KCP: variants seen among roughly 807,000 people sequenced by gnomAD.
KCP encodes the protein kielin/chordin-like protein.
A neutral mutation model predicts 212.7 loss-of-function variants in KCP; 194 were observed. That is an observed-to-expected ratio of 0.91 (90% CI 0.81 to 1.03). The LOEUF (loss-of-function observed/expected upper bound fraction) is 1.03, where lower values mean the gene tolerates loss of function less well. Ranked by LOEUF, KCP falls within the 50% of genes least tolerant of loss-of-function variation. The pLI, the probability that KCP is intolerant of heterozygous loss-of-function variation, is 0.00. For synonymous variants in KCP, 833 were observed against 865.3 expected (o/e 0.96, Z 0.65); for missense variants, 2,080 against 2,162.5 (o/e 0.96, Z 0.76).
chr7:128,882,845 G>T (rs1473877801), intron 29 of KCP, among the ~76,000 whole-genome samples: 1 of 152,200 alleles, frequency 6.6e-6, no homozygotes, highest in East Asian at 1.9e-4. Context: ...GCTGAGGCGG[G>T]TGGATCACCT....
rs1793712851 is a variant in KCP at position 128,887,265 on chromosome 7, C to T, written c.2548G>A (p.Glu850Lys). ...RYHGVTTASGETLPDPLDPTC... is the reference protein window; with the variant it reads ...RYHGVTTASGKTLPDPLDPTC... ...GGGTCAAGTGGGTCAGGAAGGGTCT[C>T]TCCGGAGGCAGTAGTGACGCCATGG... The change falls in exon 23 of 40, where the codon GAG becomes AAG. Residue 850 changes from glutamate (E) to lysine (K), a missense_variant. Physicochemically the swap from Glu to Lys is moderately conservative, Grantham distance 56 (BLOSUM62 1). Coordinates refer to ENST00000610776, the MANE Select transcript of KCP (RefSeq NM_001366122.1). 1.3e-6 allele frequency: 2 copies of T among 1,551,286 alleles called. No individual in the cohort carries two copies. The highest frequency in any genetic ancestry group is 1.7e-6 in the Non-Finnish European group (2 of 1,146,848).
At chr7:128,887,032 C>T in intron 23 of KCP, 66 bp from the exon 24 acceptor site, 1 of 1,066,828 alleles carries the variant, frequency 9.4e-7, no homozygotes, top group Non-Finnish European at 1.4e-6. Flanking sequence ...GGAGCCCCTA[C>T]TGAGCCTGCA....
chr7:128,890,792 G>A (rs529972442), intron 20 of KCP, 113 bp downstream of exon 20: 2 of 988,858 alleles, frequency 2.0e-6, no homozygotes, highest in Non-Finnish European at 2.8e-6. Flanking sequence ...TTCCTAACAA[G>A]ATCCCCGACG....
chr7:128,890,147 T>C, intron 21 of KCP, 196 bp downstream of exon 21: 1 of 979,068 alleles, frequency 1.0e-6, no homozygotes, highest in South Asian at 1.6e-5. Context: ...CTTGAACTCC[T>C]GGGCTCAAGT....
intron 8 of KCP, among the ~76,000 whole-genome samples, chr7:128,897,193 G>C (rs1490958216): frequency 6.6e-6 from 1 of 152,170 alleles, no homozygotes; most frequent in Non-Finnish European, 1.5e-5. Context: ...ATAAAGAAAG[G>C]TACCTTAGAA....
At chr7:128,893,615 GC>G (rs961809447) in intron 11 of KCP, 139 bp from the exon 12 acceptor site, 3 of 947,362 alleles carry the variant, frequency 3.2e-6, no homozygotes, top group South Asian at 1.6e-5. Context: ...GCAGCCCCCT[GC>G]CCCCCACAGC....
intron 8 of KCP, among the ~76,000 whole-genome samples, chr7:128,901,433 T>C (rs867412068): frequency 6.6e-6 from 1 of 152,108 alleles, no homozygotes; most frequent in Non-Finnish European, 1.5e-5. Context: ...GAGACCATCC[T>C]GGCTAACACA....
Position 128,889,019 on chromosome 7 carries a change from A to G in KCP, c.2356T>C (p.Ser786Pro). 6.6e-7 allele frequency: 1 copy of G among 1,515,618 alleles called. No individual in the cohort carries two copies. Among genetic ancestry groups the G allele is most frequent in the Non-Finnish European group, 8.9e-7 (1 of 1,127,528 alleles). 93.9% of individuals were successfully genotyped at this position (1,515,618 alleles called of 1,614,324 possible). ...GGGAACTCCTGGTTACTCAGGTAGG[A>G]CTCCCCCAGGTACTCACAGCCTTTC... is the stretch of plus-strand genomic sequence containing the variant. ...DCDGCEYLGE[S>P]YLSNQEFPDP... The change falls in exon 22 of 40, where the codon TCC becomes CCC. Residue 786 changes from serine to proline, a missense_variant. By Grantham distance (74) the Ser-to-Pro change is moderately conservative. Coordinates refer to ENST00000610776, the MANE Select transcript of KCP (RefSeq NM_001366122.1).
At position 128,886,543 on chromosome 7, in the gene KCP, G is replaced by T; in HGVS notation, c.2787C>A (p.Ser929Arg). ...GGGGTGGGCACTGCAGCCGCACACA[G>T]CTGACCTGGCCAGCCTGTAGGAGAT... ...EWCRCQAGQVSCVRLQCPPLP... is the reference protein window; with the variant it reads ...EWCRCQAGQVRCVRLQCPPLP... The change falls in exon 26 of 40, where the codon AGC becomes AGA. Residue 929 changes from serine (S) to arginine (R), a missense_variant. Transcript: ENST00000610776. 6.4e-7 allele frequency: 1 copy of T among 1,551,094 alleles called. No homozygotes were observed. The highest frequency in any genetic ancestry group is 8.7e-7 in the Non-Finnish European group (1 of 1,146,762).
At position 128,908,570 on chromosome 7, in the gene KCP, T is replaced by A. The variant is rs1795277376; in HGVS notation, c.77-2A>T. The A allele has an allele frequency of 6.5e-7, 1 of 1,549,572 alleles. No individual in the cohort carries two copies. The highest frequency in any genetic ancestry group is 8.7e-7 in the Non-Finnish European group (1 of 1,145,756). ...GGGGCTCCCTGGGGACAGCCCCACC[T>A]GAAGGGCACAAGAATCCCATGTGGG... On this transcript the variant is annotated splice_acceptor_variant, in intron 1 of 39. Transcript: ENST00000610776. LOFTEE classifies it high-confidence loss of function.
chr7:128,884,111 C>T lies in KCP; in HGVS notation c.3135G>A (p.Glu1045=). ...CEVCICEPQP[E]GPPSLRCHRR... ...GGTGACAGCGAAGGCTGGGAGGCCC[C>T]TCAGGCTGTGGCTACAAGAATGAGT... The change falls in exon 29 of 40, where the codon GAG becomes GAA. Residue 1045 remains glutamate (E), a synonymous_variant. Coordinates refer to ENST00000610776, the MANE Select transcript of KCP (RefSeq NM_001366122.1). 1.9e-6 allele frequency: 3 copies of T among 1,544,548 alleles called. No individual in the cohort carries two copies. Among genetic ancestry groups the T allele is most frequent in the Non-Finnish European group, 2.6e-6 (3 of 1,145,206 alleles).
At chr7:128,901,413 T>G (rs1563049633) in intron 8 of KCP, among the ~76,000 whole-genome samples, 1 of 152,064 alleles carries the variant, frequency 6.6e-6, no homozygotes, top group Non-Finnish European at 1.5e-5. Flanking sequence ...GATCACGAGG[T>G]CAGGAGATCG....
rs140610003 is a variant in KCP at position 128,910,061 on chromosome 7, C to A, written c.76+540G>T. Among the ~76,000 whole-genome samples the A allele has an allele frequency of 3.4e-3, 512 of 152,290 alleles. 4 individuals carry two copies. Among genetic ancestry groups the A allele is most frequent in the South Asian group, 0.023 (112 of 4,822 alleles). ...AGTAGGCAGGCAGGATATGGGAGCCCGGGAGAAGCTGAATCCTCTGGGACC... is the reference window on the plus strand; with the variant it reads ...AGTAGGCAGGCAGGATATGGGAGCCAGGGAGAAGCTGAATCCTCTGGGACC... On this transcript the variant is annotated intron_variant, in intron 1 of 39. Coordinates refer to ENST00000610776, the MANE Select transcript of KCP (RefSeq NM_001366122.1).
In KCP at chr7:128,908,251, G is replaced by GAAA. The variant is rs10565205; in HGVS notation, c.219+174_219+175insTTT. Among the ~76,000 whole-genome samples, 144 of 101,276 alleles carry GAAA rather than the reference G, an allele frequency of 1.4e-3. 1 individual carries two copies. Among genetic ancestry groups the GAAA allele is most frequent in the African/African-American group, 5.3e-3 (136 of 25,842 alleles). The allele number at this position is 101,276 out of a possible 152,430, so 66.4% of individuals were successfully genotyped here. On this transcript the variant is annotated intron_variant, in intron 2 of 39. Coordinates refer to ENST00000610776, the MANE Select transcript of KCP (RefSeq NM_001366122.1). ...AGGAAAGAAGAAAGGAAGAAAGAAA[G>GAAA]AAGAAAGAAAGAAAGAAAGAAAGAA...
chr7:128,903,115 T>C (rs2128949970), intron 7 of KCP: 1 of 540,630 alleles, frequency 1.8e-6, no homozygotes, highest in South Asian at 2.2e-5. Flanking sequence ...CACCTATCTC[T>C]GGCCCCTCGT....
At chr7:128,898,207 C>T (rs915312922) in intron 8 of KCP, among the ~76,000 whole-genome samples, 15 of 152,150 alleles carry the variant, frequency 9.9e-5, no homozygotes, top group Admixed American at 2.6e-4. Context: ...AGGCATGCAC[C>T]AGCATGCCCA....
In KCP at chr7:128,891,525, A is replaced by G; in HGVS notation, c.1804T>C (p.Phe602Leu). Residue 602 changes from phenylalanine to leucine, a missense_variant, in exon 18 of 40, where the codon TTT (phenylalanine) becomes CTT (leucine). Physicochemically the swap from Phe to Leu is conservative, Grantham distance 22. Transcript: ENST00000610776. Reference protein sequence around the residue: ...CCPNDCSGCAFGGKEYPSGAD... With the variant: ...CCPNDCSGCALGGKEYPSGAD... ...CCGCTGGGGTACTCTTTCCCGCCAA[A>G]GGCACAGCCTGGGGGAGGGAGGGGC... 6.5e-7 allele frequency: 1 copy of G among 1,549,240 alleles called. No homozygotes were observed. The highest frequency in any genetic ancestry group is 8.7e-7 in the Non-Finnish European group (1 of 1,146,198).
chr7:128,910,706 TGTC>T lies in KCP; in HGVS notation c.-33_-31del, dbSNP rs1585268243. On this transcript the variant is annotated 5_prime_UTR_variant, in exon 1 of 40. Coordinates refer to ENST00000610776, the MANE Select transcript of KCP (RefSeq NM_001366122.1). ...GCTCCGCCTCGCTCGGCTCGCCGTC[TGTC>T]GTCGCGGCTCAGCAGGCGCTGGGGA... 6.8e-7 allele frequency: 1 copy of T among 1,462,706 alleles called. No homozygotes were observed. Among genetic ancestry groups the T allele is most frequent in the East Asian group, 2.8e-5 (1 of 35,534 alleles). 90.6% of individuals were successfully genotyped at this position (1,462,706 alleles called of 1,614,324 possible). A position where few individuals can be genotyped will look rare whatever the true frequency, so the allele number is the denominator to read the frequency against.
At position 128,881,927 on chromosome 7, in the gene KCP, G is replaced by A. The variant is rs1351702587; in HGVS notation, c.3324+10C>T. ...GGGGCTCTGTGAGTCCCCAAGGCAG[G>A]AGGGCTCACCTGGCACTGGCACGTG... On this transcript the variant is annotated intron_variant, in intron 30 of 39. Coordinates refer to ENST00000610776, the MANE Select transcript of KCP (RefSeq NM_001366122.1). The A allele has an allele frequency of 3.9e-6, 6 of 1,550,866 alleles. No homozygotes were observed. Among genetic ancestry groups the A allele is most frequent in the Admixed American group, 2.0e-5 (1 of 50,974 alleles).
Sources: gnomAD v4.1 joint callset for allele counts (sites outside exome capture counted in the v4.1 genomes callset) on GRCh38, gnomAD v4.1.1 for gene constraint, MANE v1.5 for transcripts, NCBI Gene and HGNC (gene_info 2026-07-23, HGNC 2026-07-21) for gene names.